Variants in AGBL4 observed in about 807,000 individuals in gnomAD.
The protein encoded by AGBL4 is cytosolic carboxypeptidase 6.
In AGBL4, 58 loss-of-function variants were observed where a neutral mutation model predicts 66.4. The observed-to-expected ratio is 0.87, with a 90% CI of 0.71 to 1.09. The LOEUF (loss-of-function observed/expected upper bound fraction) is 1.09. AGBL4 is among the 50% of genes least tolerant of loss of function. The pLI, the probability that AGBL4 is intolerant of heterozygous loss-of-function variation, is 0.00. For missense variants in AGBL4, 579 were observed against 631.0 expected, an observed-to-expected ratio of 0.92 and a Z score of 0.88; for synonymous variants, 234 against 222.9, an observed-to-expected ratio of 1.05 and a Z score of -0.44.
At chr1:49,719,978 C>T (rs1648472241) in intron 2 of AGBL4, among the ~76,000 whole-genome samples, 1 of 152,062 alleles carries the variant, frequency 6.6e-6, no homozygotes, top group Non-Finnish European at 1.5e-5. Flanking sequence ...GTCAATTAAA[C>T]CTCTTTCCTT....
chr1:49,473,330 G>T (rs923672136), intron 3 of AGBL4, among the ~76,000 whole-genome samples: 13 of 151,930 alleles, frequency 8.6e-5, no homozygotes, highest in Admixed American at 5.2e-4. Flanking sequence ...TTTAATAATA[G>T]CCATTCTGAC....
intron 6 of AGBL4, among the ~76,000 whole-genome samples, chr1:48,823,689 C>T (rs1447640510): frequency 6.6e-6 from 1 of 152,208 alleles, no homozygotes; most frequent in Non-Finnish European, 1.5e-5. Context: ...TTCTCCTTGT[C>T]CTCCTTTAGA....
chr1:48,794,747 A>G (rs545560789), intron 6 of AGBL4, among the ~76,000 whole-genome samples: 1 of 152,302 alleles, frequency 6.6e-6, no homozygotes, highest in East Asian at 1.9e-4. Context: ...TCAGATGTCA[A>G]TATTCCTCAG....
chr1:48,841,043 G>A (rs911546374), intron 6 of AGBL4, among the ~76,000 whole-genome samples: 2 of 152,152 alleles, frequency 1.3e-5, no homozygotes, highest in African/African-American at 4.8e-5. Context: ...ATGATTCCAT[G>A]TTTATGACAC....
intron 2 of AGBL4, among the ~76,000 whole-genome samples, chr1:49,843,972 T>C (rs1646070048): frequency 6.6e-6 from 1 of 152,100 alleles, no homozygotes; most frequent in South Asian, 2.1e-4. Flanking sequence ...TAAGCATGTA[T>C]ATTGAGGTCT....
intron 11 of AGBL4, among the ~76,000 whole-genome samples, chr1:48,556,539 T>C (rs950195579): frequency 1.3e-5 from 2 of 152,230 alleles, no homozygotes; most frequent in African/African-American, 4.8e-5. Flanking sequence ...ATCTTCCCTC[T>C]GTGGCAGGGC....
intron 3 of AGBL4, among the ~76,000 whole-genome samples, chr1:49,470,914 G>A (rs1015898901): frequency 9.2e-5 from 14 of 152,092 alleles, no homozygotes; most frequent in Admixed American, 5.9e-4. Flanking sequence ...TAACACTACC[G>A]GCTCACTCTT....
intron 4 of AGBL4, among the ~76,000 whole-genome samples, chr1:49,113,117 AT>A (rs1645446207): frequency 1.4e-5 from 2 of 144,796 alleles, no homozygotes; most frequent in African/African-American, 5.2e-5. Flanking sequence ...CGCCTGGCTA[AT>A]TTTTTGTATT....
chr1:49,533,034 C>T lies in AGBL4; in HGVS notation c.282+164279G>A, dbSNP rs1376826660. 2.0e-5 allele frequency among the ~76,000 whole-genome samples: 3 copies of T among 152,258 alleles called. No homozygotes were observed. In the East Asian group the frequency reaches 5.8e-4, roughly 29 times the overall value. ...AATTCTGCTAGTTTTCCAATTCCTA[C>T]CTACCTCTCAGTCTAGTCTGTTTAT... On this transcript the variant is annotated intron_variant, in intron 3 of 13. Transcript: ENST00000371839.
At chr1:48,758,238 C>G (rs1163816874) in intron 6 of AGBL4, among the ~76,000 whole-genome samples, 1 of 152,188 alleles carries the variant, frequency 6.6e-6, no homozygotes, top group Non-Finnish European at 1.5e-5. Flanking sequence ...CCTACCAAAA[C>G]AAGTCCAGAC....
intron 9 of AGBL4, among the ~76,000 whole-genome samples, chr1:48,630,383 A>C (rs138430262): frequency 6.6e-6 from 1 of 152,262 alleles, no homozygotes; most frequent in African/African-American, 2.4e-5. Context: ...TCTACTGTAC[A>C]CTGAGCACCT....
At chr1:48,975,388 C>T (rs1174707629) in intron 5 of AGBL4, among the ~76,000 whole-genome samples, 1 of 152,052 alleles carries the variant, frequency 6.6e-6, no homozygotes, top group African/African-American at 2.4e-5. Context: ...GACCTTATGA[C>T]CCAACAGACC....
At chr1:48,810,342 G>A (rs775064539) in intron 6 of AGBL4, among the ~76,000 whole-genome samples, 7 of 152,294 alleles carry the variant, frequency 4.6e-5, no homozygotes, top group Non-Finnish European at 8.8e-5. Flanking sequence ...TTTGTCAGAT[G>A]ATTTCTTTTA....
At chr1:49,513,868 T>A (rs1286566282) in intron 3 of AGBL4, among the ~76,000 whole-genome samples, 1 of 152,138 alleles carries the variant, frequency 6.6e-6, no homozygotes, top group African/African-American at 2.4e-5. Flanking sequence ...TGCCAGACAC[T>A]GTGGTGGGCA....
chr1:48,653,442 TC>T lies in AGBL4; in HGVS notation c.733del (p.Asp245ThrfsTer4). 6.3e-7 allele frequency: 1 copy of T among 1,575,756 alleles called. No individual in the cohort carries two copies. The highest frequency in any genetic ancestry group is 8.6e-7 in the Non-Finnish European group (1 of 1,159,504). On this transcript the variant is annotated frameshift_variant, in exon 8 of 14. Transcript: ENST00000371839. LOFTEE classifies it high-confidence loss of function. ...AATAGGGTGCTGGCTTACAAGGAAG[TC>T]AATGATCCCTAGGGAAAGAGAAGAG... ...PSSFVCQGII[D>X]FLVSQHPIAC... is the part of the protein sequence containing the mutation.
chr1:49,758,775 G>A (rs1030721493), intron 2 of AGBL4, among the ~76,000 whole-genome samples: 3 of 151,026 alleles, frequency 2.0e-5, no homozygotes, highest in Non-Finnish European at 2.9e-5. Flanking sequence ...CTTTGGCCTT[G>A]GACTTTTGAG....
At chr1:48,696,793 G>A (rs72902839) in intron 6 of AGBL4, among the ~76,000 whole-genome samples, 3,921 of 152,208 alleles carry the variant, frequency 0.026, 167 homozygotes, top group African/African-American at 0.09. Context: ...GAGATAGCTT[G>A]GTCTGTAGTG....
At chr1:49,804,863 T>C (rs1327687894) in intron 2 of AGBL4, among the ~76,000 whole-genome samples, 8 of 152,234 alleles carry the variant, frequency 5.3e-5, no homozygotes, top group African/African-American at 1.9e-4. Context: ...TATCCCTAGA[T>C]GCATAACAAA....
chr1:49,942,819 T>C (rs1386115483), intron 1 of AGBL4, among the ~76,000 whole-genome samples: 1 of 151,978 alleles, frequency 6.6e-6, no homozygotes, highest in Non-Finnish European at 1.5e-5. Context: ...AAGCAAAAAA[T>C]AGACAAATGG....
Sources: allele counts gnomAD v4.1 joint callset (sites outside exome capture counted in the v4.1 genomes callset), GRCh38; gene constraint gnomAD v4.1.1; transcripts MANE v1.5; gene names NCBI Gene and HGNC (gene_info 2026-07-23, HGNC 2026-07-21).